CDH12: variants seen among roughly 807,000 people sequenced by gnomAD.
CDH12 encodes cadherin-12.
CDH12 carries 41 observed loss-of-function variants against 74.1 expected under a neutral mutation model. The observed-to-expected ratio is 0.55, with a 90% CI of 0.43 to 0.72. CDH12 has a LOEUF of 0.72. Among genes scored for constraint, CDH12 ranks in the 30% least tolerant of loss-of-function variants. The pLI is 0.00. For missense variants in CDH12, 945 were observed against 977.2 expected (o/e 0.97, Z 0.44); for synonymous variants, 399 against 355.0 (o/e 1.12, Z -1.39).
At chr5:22,117,492 T>C (rs1310087789) in intron 4 of CDH12, among the ~76,000 whole-genome samples, 127 of 73,660 alleles carry the variant, frequency 1.7e-3, no homozygotes, top group Non-Finnish European at 2.7e-3. Flanking sequence ...ATATATATTA[T>C]ATATATATAA....
intron 4 of CDH12, among the ~76,000 whole-genome samples, chr5:22,209,629 G>A (rs1751417622): frequency 6.7e-6 from 1 of 150,016 alleles, no homozygotes; most frequent in Non-Finnish European, 1.5e-5. Flanking sequence ...TCTGTCAGTA[G>A]TAATCAGAAT....
intron 3 of CDH12, among the ~76,000 whole-genome samples, chr5:22,334,228 TA>T (rs1409908151): frequency 2.0e-5 from 3 of 151,942 alleles, no homozygotes; most frequent in Non-Finnish European, 4.4e-5. Context: ...AAAAGAAATT[TA>T]AAAAGTAATC....
At chr5:22,699,532 T>C (rs1422011403) in intron 1 of CDH12, among the ~76,000 whole-genome samples, 2 of 152,178 alleles carry the variant, frequency 1.3e-5, no homozygotes, top group African/African-American at 2.4e-5. Flanking sequence ...AGACCTGTTG[T>C]ATTGTAAGCA....
At chr5:22,402,275 A>C (rs542655532) in intron 3 of CDH12, among the ~76,000 whole-genome samples, 25 of 152,332 alleles carry the variant, frequency 1.6e-4, no homozygotes, top group African/African-American at 6.0e-4. Context: ...AAGGAAGTGA[A>C]GAACACTGTA....
chr5:22,154,419 CAT>C (rs199551775), intron 4 of CDH12, among the ~76,000 whole-genome samples: 6 of 145,932 alleles, frequency 4.1e-5, no homozygotes, highest in African/African-American at 1.0e-4. Context: ...CACACACACA[CAT>C]ATACATATAT....
chr5:22,011,730 T>C (rs143145792), intron 5 of CDH12, among the ~76,000 whole-genome samples: 6,354 of 152,226 alleles, frequency 0.042, 333 homozygotes, highest in African/African-American at 0.12. Context: ...TATGCAATTA[T>C]AAGGCACAAA....
intron 5 of CDH12, among the ~76,000 whole-genome samples, chr5:22,045,980 G>T (rs1739922643): frequency 6.6e-6 from 1 of 152,116 alleles, no homozygotes; most frequent in Non-Finnish European, 1.5e-5. Context: ...CACAATATAT[G>T]CATATATCAA....
At chr5:22,318,675 G>C (rs181081082) in intron 3 of CDH12, among the ~76,000 whole-genome samples, 1 of 152,184 alleles carries the variant, frequency 6.6e-6, no homozygotes, top group Non-Finnish European at 1.5e-5. Flanking sequence ...TTTTCTTCCA[G>C]GGGCCCTGTG....
Position 21,834,048 on chromosome 5 carries a change from A to G in CDH12, c.814+8113T>C, listed in dbSNP as rs13179312. Among the ~76,000 whole-genome samples, 691 of 152,132 alleles carry G rather than the reference A, an allele frequency of 4.5e-3. 4 individuals are homozygous for G. The highest frequency in any genetic ancestry group is 7.6e-3 in the Non-Finnish European group (514 of 67,928). On this transcript the variant is annotated intron_variant, in intron 8 of 14. Coordinates refer to ENST00000382254, the MANE Select transcript of CDH12 (RefSeq NM_004061.5). ...CTTTGCTTATTTTTCAAAAACAGGG[A>G]CAGTGTCATCAAATGTGATGACTCT... is the stretch of plus-strand genomic sequence containing the variant.
chr5:21,814,020 G>T (rs1166717586), intron 9 of CDH12, among the ~76,000 whole-genome samples: 1 of 152,022 alleles, frequency 6.6e-6, no homozygotes, highest in Non-Finnish European at 1.5e-5. Flanking sequence ...GGAAAACAGT[G>T]GCTGCTTCCA....
At chr5:22,376,780 C>T (rs1314888707) in intron 3 of CDH12, among the ~76,000 whole-genome samples, 1 of 151,602 alleles carries the variant, frequency 6.6e-6, no homozygotes, top group Admixed American at 6.6e-5. Flanking sequence ...ACCTCAGCCT[C>T]CCAAAGTTCT....
At position 21,990,805 on chromosome 5, in the gene CDH12, G is replaced by A. The variant is rs1239193945; in HGVS notation, c.232-15420C>T. Among the ~76,000 whole-genome samples the A allele has an allele frequency of 8.6e-5, 13 of 151,754 alleles. No individual in the cohort carries two copies. The East Asian group carries it at 2.5e-3, about 29-fold the overall frequency. On this transcript the variant is annotated intron_variant, in intron 5 of 14. Coordinates refer to ENST00000382254, the MANE Select transcript of CDH12 (RefSeq NM_004061.5). Reference sequence around the variant, plus strand: ...ATTGAGGGACAGGCAGGCTAACTTGGCTCAAGACACACAAGTAAAAATATT... The same window carrying A: ...ATTGAGGGACAGGCAGGCTAACTTGACTCAAGACACACAAGTAAAAATATT...
intron 4 of CDH12, among the ~76,000 whole-genome samples, chr5:22,199,873 A>G (rs2150353594): frequency 6.6e-6 from 1 of 152,322 alleles, no homozygotes; most frequent in South Asian, 2.1e-4. Flanking sequence ...CTGCATTAGA[A>G]ATCACTTCTT....
intron 3 of CDH12, among the ~76,000 whole-genome samples, chr5:22,239,622 G>T (rs1752678475): frequency 6.6e-6 from 1 of 152,178 alleles, no homozygotes; most frequent in Non-Finnish European, 1.5e-5. Flanking sequence ...TGGATAGAGA[G>T]ACATTTTATG....
chr5:22,129,925 A>G (rs1472126913), intron 4 of CDH12, among the ~76,000 whole-genome samples: 5 of 152,174 alleles, frequency 3.3e-5, no homozygotes, highest in African/African-American at 4.8e-5. Context: ...ACATTAAAAA[A>G]TCCTAAGATT....
chr5:22,059,355 CT>C lies in CDH12; in HGVS notation c.231+19090del, dbSNP rs1179913348. ...ATCTATCATCTATCTATCTATCTAT[CT>C]ATCTATCTATCTATCTATCTATCTA... On this transcript the variant is annotated intron_variant, in intron 5 of 14. Coordinates refer to ENST00000382254, the MANE Select transcript of CDH12 (RefSeq NM_004061.5). Among the ~76,000 whole-genome samples, 762 of 104,706 alleles carry C rather than the reference CT, an allele frequency of 7.3e-3. 7 individuals are homozygous for C. The highest frequency in any genetic ancestry group is 0.012 in the African/African-American group (191 of 15,776). 68.7% of individuals were successfully genotyped at this position (104,706 alleles called of 152,430 possible).
rs111611499 is a variant in CDH12, at chr5:22,343,841, C to T, written c.-333+61416G>A. 2.2e-3 allele frequency among the ~76,000 whole-genome samples: 331 copies of T among 152,318 alleles called. 1 individual carries two copies. Among genetic ancestry groups the T allele is most frequent in the African/African-American group, 7.0e-3 (293 of 41,576 alleles). Reference sequence around the variant, plus strand: ...GCAATATTTCAGGAATATCCAGCAACAGCAAATTCTCTCTTAGCACAACTA... The same window carrying T: ...GCAATATTTCAGGAATATCCAGCAATAGCAAATTCTCTCTTAGCACAACTA... On this transcript the variant is annotated intron_variant, in intron 3 of 14. Coordinates refer to ENST00000382254, the MANE Select transcript of CDH12 (RefSeq NM_004061.5).
At chr5:22,269,486 T>C (rs1736286840) in intron 3 of CDH12, among the ~76,000 whole-genome samples, 1 of 152,182 alleles carries the variant, frequency 6.6e-6, no homozygotes, top group African/African-American at 2.4e-5. Context: ...ATATAGACTC[T>C]TTCTATATAA....
intron 9 of CDH12, among the ~76,000 whole-genome samples, chr5:21,807,420 T>G (rs2149931590): frequency 6.6e-6 from 1 of 152,154 alleles, no homozygotes; most frequent in African/African-American, 2.4e-5. Flanking sequence ...AGAGAATTGG[T>G]TTTGTCTGTG....
Sources: allele counts gnomAD v4.1 joint callset (sites outside exome capture counted in the v4.1 genomes callset), GRCh38; gene constraint gnomAD v4.1.1; transcripts MANE v1.5; gene names NCBI Gene and HGNC (gene_info 2026-07-23, HGNC 2026-07-21).